LBP: variants seen among roughly 807,000 people sequenced by gnomAD.
LBP encodes lipopolysaccharide binding protein.
In LBP, 53 loss-of-function variants were observed where a neutral mutation model predicts 56.6. The ratio of observed to expected loss-of-function variants is 0.94; its 90% CI spans 0.75 to 1.18. The LOEUF (loss-of-function observed/expected upper bound fraction) is 1.18. LBP is among the 50% of genes most tolerant of loss of function. LBP has a pLI of 0.00. For synonymous variants in LBP, 227 were observed against 247.5 expected, an observed-to-expected ratio of 0.92 and a Z score of 0.78; for missense variants, 601 against 598.3, an observed-to-expected ratio of 1.00 and a Z score of -0.05.
chr20:38,367,789 TG>T (rs2076887394), intron 9 of LBP, among the ~76,000 whole-genome samples: 1 of 152,224 alleles, frequency 6.6e-6, no homozygotes, highest in South Asian at 2.1e-4. Flanking sequence ...AAAAGGTTCA[TG>T]GGAGTGCTGT....
chr20:38,357,667 G>A (rs777415582), intron 5 of LBP, among the ~76,000 whole-genome samples: 1 of 152,152 alleles, frequency 6.6e-6, no homozygotes, highest in Non-Finnish European at 1.5e-5. Flanking sequence ...AAGTAATGAC[G>A]GAAAAGAATG....
intron 8 of LBP, among the ~76,000 whole-genome samples, chr20:38,366,372 C>T (rs761638123): frequency 6.6e-6 from 1 of 152,144 alleles, no homozygotes; most frequent in Non-Finnish European, 1.5e-5. Context: ...GGGCCTTGTG[C>T]TAGGATGTTC....
intron 1 of LBP, among the ~76,000 whole-genome samples, chr20:38,348,787 A>AGTTTAGTTTAGTTTT (rs1402944274): frequency 0.06 from 8,161 of 135,244 alleles, 295 homozygotes; most frequent in East Asian, 0.19. Context: ...AGTTTAGTTT[A>AGTTTAGTTTAGTTTT]GTTTTGTTTT....
rs780416981 is a variant in LBP at position 38,364,066 on chromosome 20, G to T, written c.744G>T (p.Lys248Asn). 12 of 1,610,170 alleles carry T rather than the reference G, an allele frequency of 7.5e-6. No homozygotes were observed. Among genetic ancestry groups the T allele is most frequent in the Non-Finnish European group, 1.0e-5 (12 of 1,176,566 alleles). The change falls in exon 7 of 15, where the codon AAG becomes AAT. Residue 248 changes from lysine to asparagine, a missense_variant and splice_region_variant. Coordinates refer to ENST00000217407, the MANE Select transcript of LBP (RefSeq NM_004139.5). Reference sequence around the variant, plus strand: ...CCCAGATGCTGGAGGTGATGTTTAAGGTGAGGGTCCTGGGGCCGGGCTGCG... The same window carrying T: ...CCCAGATGCTGGAGGTGATGTTTAATGTGAGGGTCCTGGGGCCGGGCTGCG... The part of the protein sequence containing the change: ...ATAQMLEVMF[K>N]GEIFHRNHRS...
At chr20:38,352,455 A>G (rs1370428365) in intron 3 of LBP, among the ~76,000 whole-genome samples, 1 of 152,184 alleles carries the variant, frequency 6.6e-6, no homozygotes, top group Non-Finnish European at 1.5e-5. Flanking sequence ...AAAACAAACA[A>G]ACAAACAAAA....
At chr20:38,368,729 A>C (rs923368751) in intron 9 of LBP, among the ~76,000 whole-genome samples, 2 of 152,224 alleles carry the variant, frequency 1.3e-5, no homozygotes, top group Non-Finnish European at 2.9e-5. Context: ...AAAACCCTGG[A>C]GACAACTTGA....
intron 1 of LBP, among the ~76,000 whole-genome samples, chr20:38,347,280 AC>A (rs1055498169): frequency 3.9e-4 from 60 of 152,364 alleles, no homozygotes; most frequent in African/African-American, 1.4e-3. Context: ...ACAGTGGCTC[AC>A]GCCTGTAATC....
intron 10 of LBP, among the ~76,000 whole-genome samples, chr20:38,370,008 A>C (rs2122623994): frequency 6.6e-6 from 1 of 152,256 alleles, no homozygotes; most frequent in South Asian, 2.1e-4. Context: ...TTCTTCCTAG[A>C]GGCTATATCT....
intron 3 of LBP, among the ~76,000 whole-genome samples, chr20:38,351,587 G>A (rs748095826): frequency 3.3e-5 from 5 of 152,220 alleles, no homozygotes; most frequent in Non-Finnish European, 7.3e-5. Context: ...GCAGAAATGT[G>A]TTTTCTCACA....
At chr20:38,363,453 G>A (rs558099585) in intron 6 of LBP, among the ~76,000 whole-genome samples, 1 of 152,176 alleles carries the variant, frequency 6.6e-6, no homozygotes, top group African/African-American at 2.4e-5. Context: ...CATTAAGCTC[G>A]GAGGGGGAGA....
chr20:38,363,518 C>T (rs747267565), intron 6 of LBP, among the ~76,000 whole-genome samples: 2 of 152,172 alleles, frequency 1.3e-5, no homozygotes, highest in African/African-American at 2.4e-5. Flanking sequence ...AGCCCCTATG[C>T]GGTTATTTGC....
intron 9 of LBP, 106 bp from the exon 10 acceptor site, chr20:38,368,889 A>G (rs112098655): frequency 2.5e-6 from 3 of 1,188,638 alleles, no homozygotes; most frequent in Admixed American, 3.9e-5. Context: ...TGTTGGAAAT[A>G]AAATCAATCG....
At chr20:38,369,651 A>G (rs1229342560) in intron 10 of LBP, among the ~76,000 whole-genome samples, 1 of 152,174 alleles carries the variant, frequency 6.6e-6, no homozygotes, top group Non-Finnish European at 1.5e-5. Context: ...ACCACGGCAG[A>G]GGCTCTGGCT....
intron 14 of LBP, among the ~76,000 whole-genome samples, chr20:38,374,413 A>G (rs935385356): frequency 2.0e-5 from 3 of 152,084 alleles, no homozygotes; most frequent in Non-Finnish European, 4.4e-5. Context: ...CCTGGCCAAC[A>G]TGGTGAAACC....
chr20:38,356,398 A>AC (rs146018769), intron 5 of LBP, among the ~76,000 whole-genome samples: 2 of 112,404 alleles, frequency 1.8e-5, no homozygotes, highest in African/African-American at 3.6e-5. Flanking sequence ...ACCCACTCAC[A>AC]CCCCCCACAC....
intron 12 of LBP, 134 bp downstream of exon 12, chr20:38,371,456 G>C (rs944330667): frequency 3.0e-6 from 2 of 663,714 alleles, no homozygotes; most frequent in East Asian, 2.8e-5. Flanking sequence ...AAGTGTAAAA[G>C]GTCTCGAAAA....
Position 38,369,087 on chromosome 20 carries a change from G to A in LBP, c.1074G>A (p.Val358=). The change falls in exon 10 of 15, where the codon GTG becomes GTA. Residue 358 remains valine (V), a synonymous_variant. Coordinates refer to ENST00000217407, the MANE Select transcript of LBP (RefSeq NM_004139.5). ...LLNFSPGNLS[V]DPYMEIDAFV... ...ACTTCAGCCCTGGGAATCTGTCTGT[G>A]GACCCCTATATGGAGATAGATGCCT... 3 of 1,614,160 alleles carry A rather than the reference G, an allele frequency of 1.9e-6. No individual in the cohort carries two copies. The highest frequency in any genetic ancestry group is 8.5e-7 in the Non-Finnish European group (1 of 1,180,024).
In LBP at chr20:38,366,775, C is replaced by A. The variant is rs764068642; in HGVS notation, c.928C>A (p.Pro310Thr). ...NFSITDDMIPPDSNIRLTTKS... is the reference protein window; with the variant it reads ...NFSITDDMIPTDSNIRLTTKS... ...TCATGTCTCTTTGCTGCAGATACCG[C>A]CTGACTCTAATATCCGACTGACCAC... The change falls in exon 9 of 15, where the codon CCT becomes ACT. Residue 310 changes from proline (P) to threonine (T), a missense_variant. Physicochemically the swap from Pro to Thr is conservative, Grantham distance 38. Transcript: ENST00000217407. 19 of 1,614,016 alleles carry A rather than the reference C, an allele frequency of 1.2e-5. No individual in the cohort carries two copies. Among genetic ancestry groups the A allele is most frequent in the Non-Finnish European group, 1.6e-5 (19 of 1,180,036 alleles).
rs111586212 is a variant in LBP at position 38,366,848 on chromosome 20, C to T, written c.981+20C>T. On this transcript the variant is annotated intron_variant, in intron 9 of 14. Transcript: ENST00000217407. ...CCACGGGTAAGGAGTCCCTTAGTTCCCCATGAGTGCAGACCGAGCCTACTA... is the reference window on the plus strand; with the variant it reads ...CCACGGGTAAGGAGTCCCTTAGTTCTCCATGAGTGCAGACCGAGCCTACTA... 1.9e-6 allele frequency: 3 copies of T among 1,608,702 alleles called. No homozygotes were observed. The highest frequency in any genetic ancestry group is 2.6e-6 in the Non-Finnish European group (3 of 1,175,090).
Sources: allele counts gnomAD v4.1 joint callset (sites outside exome capture counted in the v4.1 genomes callset), GRCh38; gene constraint gnomAD v4.1.1; transcripts MANE v1.5; gene names NCBI Gene and HGNC (gene_info 2026-07-23, HGNC 2026-07-21).